MYH10: variants seen among roughly 807,000 people sequenced by gnomAD.
MYH10 encodes the protein myosin heavy chain 10.
A neutral mutation model predicts 257.8 loss-of-function variants in MYH10; 55 were observed. That is an observed-to-expected ratio of 0.21 (90% CI 0.17 to 0.27). MYH10 has a LOEUF of 0.27. Ranked by LOEUF, MYH10 falls within the 10% of genes least tolerant of loss-of-function variation. The pLI, the probability that MYH10 is intolerant of heterozygous loss-of-function variation, is 1.00. For missense variants in MYH10, 1,631 were observed against 2,500.6 expected, an observed-to-expected ratio of 0.65 and a Z score of 7.42; for synonymous variants, 854 against 921.7, an observed-to-expected ratio of 0.93 and a Z score of 1.33.
intron 2 of MYH10, among the ~76,000 whole-genome samples, chr17:8,619,557 A>G (rs2085388999): frequency 6.6e-6 from 1 of 152,162 alleles, no homozygotes; most frequent in African/African-American, 2.4e-5. Context: ...TAAAAATGTA[A>G]TCCTAAGCCA....
chr17:8,571,712 C>T (rs1264553495), intron 6 of MYH10, among the ~76,000 whole-genome samples: 4 of 151,760 alleles, frequency 2.6e-5, no homozygotes, highest in Non-Finnish European at 5.9e-5. Context: ...GAGCAGAGAT[C>T]GCACCACTGC....
intron 35 of MYH10, among the ~76,000 whole-genome samples, chr17:8,489,745 AC>A (rs1555570911): frequency 6.6e-6 from 1 of 150,686 alleles, no homozygotes; most frequent in Admixed American, 6.6e-5. Flanking sequence ...ACACACACAC[AC>A]CCCAAATCCA....
rs772874766 is a variant in MYH10, at chr17:8,492,526, G to A, written c.4459-17C>T. 1.9e-5 allele frequency: 31 copies of A among 1,591,006 alleles called. No homozygotes were observed. In the Admixed American group the frequency reaches 5.4e-4, roughly 28 times the overall value. Reference sequence around the variant, plus strand: ...TGCTAACAGCTGTGCAGAAGGGGATGGGGGAATACGAAAAACCGAAACAGT... The same window carrying A: ...TGCTAACAGCTGTGCAGAAGGGGATAGGGGAATACGAAAAACCGAAACAGT... On this transcript the variant is annotated splice_polypyrimidine_tract_variant and intron_variant, in intron 33 of 42. Coordinates refer to ENST00000360416, the MANE Select transcript of MYH10 (RefSeq NM_001256012.3).
At chr17:8,548,980 C>G (rs559559381) in intron 9 of MYH10, among the ~76,000 whole-genome samples, 193 bp from the exon 10 acceptor site, 67 of 152,072 alleles carry the variant, frequency 4.4e-4, no homozygotes, top group Middle Eastern at 3.4e-3. Flanking sequence ...TCTGTACCAA[C>G]AAAGGAAAAT....
chr17:8,487,350 C>T, intron 36 of MYH10, 83 bp downstream of exon 36: 1 of 1,535,736 alleles, frequency 6.5e-7, no homozygotes, highest in Non-Finnish European at 8.9e-7. Context: ...TGCTGTGCCC[C>T]CCAGCTTCAC....
intron 24 of MYH10, among the ~76,000 whole-genome samples, chr17:8,510,520 G>C (rs1198384146): frequency 6.6e-6 from 1 of 152,082 alleles, no homozygotes; most frequent in Non-Finnish European, 1.5e-5. Flanking sequence ...AAGACATACA[G>C]TGATAAGTTA....
At chr17:8,560,611 G>A (rs1042807604) in intron 7 of MYH10, 87 of 901,886 alleles carry the variant, frequency 9.6e-5, no homozygotes, top group Admixed American at 1.9e-4. Context: ...AAAAGGATTT[G>A]GTTATAAGGG....
At position 8,535,365 on chromosome 17, in the gene MYH10, A is replaced by C. The variant is rs1371944826; in HGVS notation, c.1894+22T>G. On this transcript the variant is annotated intron_variant, in intron 16 of 42. Transcript: ENST00000360416. The surrounding 1 kb of genome is among the most constrained non-coding windows in gnomAD (Gnocchi z 4.3). ...TAAAAGATTCCAGCCAAGCATGATT[A>C]CAAAGATAAGCACTTTCTTACCATC... is the stretch of plus-strand genomic sequence containing the variant. 6.4e-7 allele frequency: 1 copy of C among 1,566,064 alleles called. No homozygotes were observed. Among genetic ancestry groups the C allele is most frequent in the Admixed American group, 1.7e-5 (1 of 58,760 alleles).
intron 7 of MYH10, among the ~76,000 whole-genome samples, chr17:8,559,413 ATAAT>A (rs988277034): frequency 2.0e-4 from 2 of 10,004 alleles, no homozygotes; most frequent in Non-Finnish European, 0.016. Context: ...TTGGGGTGAT[ATAAT>A]AAATAAATTA....
rs772930535 is a variant in MYH10, at chr17:8,542,262, G to C, written c.1450C>G (p.Leu484Val). Residue 484 changes from leucine to valine, a missense_variant, in exon 14 of 43, where the codon CTT becomes GTT. By Grantham distance (32) the Leu-to-Val change is conservative. Transcript: ENST00000360416. ...EIFELNSFEQ[L>V]CINYTNEKLQ... ...TTCTCATTGGTGTAGTTGATGCAAA[G>C]TTGTTCAAAGGAGTTCAGCTACAAA... 6.2e-7 allele frequency: 1 copy of C among 1,613,802 alleles called. No individual in the cohort carries two copies. The highest frequency in any genetic ancestry group is 8.5e-7 in the Non-Finnish European group (1 of 1,179,924).
At chr17:8,612,776 G>A (rs952091034) in intron 2 of MYH10, among the ~76,000 whole-genome samples, 1 of 151,960 alleles carries the variant, frequency 6.6e-6, no homozygotes, top group Non-Finnish European at 1.5e-5. Flanking sequence ...GCTTGAACTG[G>A]CAGGTGGAGG....
At chr17:8,492,609 G>C (rs1915948245) in intron 33 of MYH10, 100 bp from the exon 34 acceptor site, 1 of 1,280,646 alleles carries the variant, frequency 7.8e-7, no homozygotes, top group Non-Finnish European at 1.1e-6. Context: ...GCTGCCACTA[G>C]ATTATGGTGT....
At chr17:8,602,069 G>A (rs1286662317) in intron 3 of MYH10, among the ~76,000 whole-genome samples, 5 of 148,294 alleles carry the variant, frequency 3.4e-5, no homozygotes, top group East Asian at 2.1e-4. Flanking sequence ...TGCGCCTCCC[G>A]GGTTCACGCC....
rs563429749 is a variant in MYH10, at chr17:8,507,697, C to T, written c.3214+857G>A. ...GTTAAAAAAGGAAAACCAGGCCTGG[C>T]GCCATGGCTCACGCCTGTAATCCCA... On this transcript the variant is annotated intron_variant, in intron 26 of 42. Coordinates refer to ENST00000360416, the MANE Select transcript of MYH10 (RefSeq NM_001256012.3). Among the ~76,000 whole-genome samples the T allele has an allele frequency of 5.9e-5, 9 of 152,350 alleles. No homozygotes were observed. In the East Asian group the frequency reaches 1.3e-3, roughly 23 times the overall value.
intron 36 of MYH10, 133 bp downstream of exon 36, chr17:8,487,298 CTT>C (rs1456931797): frequency 5.0e-6 from 5 of 1,004,796 alleles, no homozygotes; most frequent in African/African-American, 1.6e-5. Flanking sequence ...CAAGCACTCT[CTT>C]TATGGCCTGC....
chr17:8,482,380 C>CT (rs1486528185), intron 37 of MYH10, among the ~76,000 whole-genome samples: 2 of 152,336 alleles, frequency 1.3e-5, no homozygotes, highest in East Asian at 3.9e-4. Flanking sequence ...TGAAGGTCCT[C>CT]TGACAGGCCT....
intron 4 of MYH10, 77 bp downstream of exon 4, chr17:8,589,004 C>T: frequency 1.4e-6 from 2 of 1,383,494 alleles, no homozygotes; most frequent in African/African-American, 1.4e-5. Context: ...CTACTTCTCC[C>T]CTCCCCCCAG....
chr17:8,517,372 A>C (rs2081505580), intron 21 of MYH10, among the ~76,000 whole-genome samples: 1 of 152,122 alleles, frequency 6.6e-6, no homozygotes, highest in African/African-American at 2.4e-5. Flanking sequence ...CTGTTTTCCA[A>C]CCCACATGTA....
intron 16 of MYH10, among the ~76,000 whole-genome samples, chr17:8,531,350 G>A (rs555871883): frequency 1.3e-5 from 2 of 151,622 alleles, no homozygotes; most frequent in Non-Finnish European, 2.9e-5. Flanking sequence ...CAATCTTTAG[G>A]ATTTTTTTTT....
Sources: allele counts gnomAD v4.1 joint callset (sites outside exome capture counted in the v4.1 genomes callset), GRCh38; gene constraint gnomAD v4.1.1; non-coding constraint Gnocchi (gnomAD v3.1); transcripts MANE v1.5; gene names NCBI Gene and HGNC (gene_info 2026-07-23, HGNC 2026-07-21).